NFASC: variants seen among roughly 807,000 people sequenced by gnomAD.
NFASC encodes the protein neurofascin, also known as neurofascin homolog.
In NFASC, 43 loss-of-function variants were observed where a neutral mutation model predicts 147.5. The observed-to-expected ratio is 0.29, with a 90% CI of 0.23 to 0.38. NFASC has a LOEUF of 0.38. Among genes scored for constraint, NFASC ranks in the 10% least tolerant of loss-of-function variants. The pLI, the probability that NFASC is intolerant of heterozygous loss-of-function variation, is 1.00. For missense variants in NFASC, 1,320 were observed against 1,689.0 expected (o/e 0.78, Z 3.83); for synonymous variants, 622 against 665.5 (o/e 0.93, Z 1.01).
intron 2 of NFASC, among the ~76,000 whole-genome samples, chr1:204,943,248 G>A (rs1242569192): frequency 1.3e-5 from 2 of 152,118 alleles, no homozygotes; most frequent in East Asian, 1.9e-4. Flanking sequence ...AGAACCTCAG[G>A]CAATCTTAAA....
In NFASC at chr1:205,016,640, G is replaced by A; in HGVS notation, c.*101G>A. The A allele has an allele frequency of 2.5e-6, 2 of 815,072 alleles. No individual in the cohort carries two copies. Among genetic ancestry groups the A allele is most frequent in the Non-Finnish European group, 4.2e-6 (2 of 478,450 alleles). The allele number at this position is 815,072 out of a possible 1,614,324, so 50.5% of individuals were successfully genotyped here. The stretch of plus-strand genomic sequence containing the variant: ...TACCACGAAGCCACCACCACCTTCA[G>A]TAACAAGGGTACGATATGGGGGTCT... On this transcript the variant is annotated 3_prime_UTR_variant, in exon 30 of 30. Coordinates refer to ENST00000339876, the MANE Select transcript of NFASC (RefSeq NM_001005388.3). This position sits in a 1 kb window ranked among gnomAD's most constrained non-coding sequence, Gnocchi z 5.1.
intron 1 of NFASC, among the ~76,000 whole-genome samples, chr1:204,884,963 G>A (rs1237116061): frequency 1.3e-5 from 2 of 152,114 alleles, no homozygotes; most frequent in Non-Finnish European, 2.9e-5. Flanking sequence ...GATATTGGGA[G>A]AGATCCATAA....
intron 1 of NFASC, among the ~76,000 whole-genome samples, chr1:204,894,022 C>T (rs978633955): frequency 2.6e-5 from 4 of 152,178 alleles, no homozygotes; most frequent in Admixed American, 6.5e-5. Flanking sequence ...TTATAAAGGA[C>T]CCAGGCTTTT....
Position 204,979,568 on chromosome 1 carries a change from C to G in NFASC, c.2176+9C>G, listed in dbSNP as rs2095473305. 6.2e-7 allele frequency: 1 copy of G among 1,613,072 alleles called. No individual in the cohort carries two copies. The highest frequency in any genetic ancestry group is 1.3e-5 in the African/African-American group (1 of 75,034). On this transcript the variant is annotated intron_variant, in intron 19 of 29. Coordinates refer to ENST00000339876, the MANE Select transcript of NFASC (RefSeq NM_001005388.3). This position sits in a 1 kb window ranked among gnomAD's most constrained non-coding sequence, Gnocchi z 6.0. The stretch of plus-strand genomic sequence containing the variant: ...CCGAACCAGTGGAGCACGTGAGTAC[C>G]CGAGGGCTGCCAGAGAAGGCTCCGG...
intron 1 of NFASC, among the ~76,000 whole-genome samples, chr1:204,858,109 G>A (rs2076330585): frequency 6.6e-6 from 1 of 151,786 alleles, no homozygotes; most frequent in Non-Finnish European, 1.5e-5. Context: ...TAGTAGAGAT[G>A]GGGTTTCACC....
intron 3 of NFASC, among the ~76,000 whole-genome samples, chr1:204,948,127 C>T (rs1267205997): frequency 5.9e-5 from 9 of 152,224 alleles, no homozygotes; most frequent in Admixed American, 2.0e-4. Flanking sequence ...AAGAGGCACA[C>T]GAGTAAAGAA....
intron 16 of NFASC, 69 bp from the exon 17 acceptor site, chr1:204,977,612 C>A: frequency 6.8e-7 from 1 of 1,480,342 alleles, no homozygotes; most frequent in South Asian, 1.2e-5. Context: ...GCTGCCTACC[C>A]CCATCCTTCT....
chr1:204,988,593 T>C, intron 22 of NFASC, 40 bp from the exon 23 acceptor site: 2 of 1,581,064 alleles, frequency 1.3e-6, no homozygotes, highest in Non-Finnish European at 1.7e-6. Flanking sequence ...CATCAATAAA[T>C]GTTGCTAAAG....
chr1:204,849,548 G>T (rs1054660754), intron 1 of NFASC, among the ~76,000 whole-genome samples: 2 of 152,170 alleles, frequency 1.3e-5, no homozygotes, highest in South Asian at 4.1e-4. Flanking sequence ...TGATGCTGCT[G>T]GTCCAGGGAC....
intron 1 of NFASC, among the ~76,000 whole-genome samples, chr1:204,883,872 C>A (rs200425404): frequency 2.0e-5 from 3 of 152,274 alleles, no homozygotes; most frequent in East Asian, 3.9e-4. Context: ...GCCTGAGTCC[C>A]AGAGAGTTAC....
At chr1:204,902,527 A>G (rs530264720) in intron 1 of NFASC, among the ~76,000 whole-genome samples, 5 of 152,098 alleles carry the variant, frequency 3.3e-5, no homozygotes, top group Admixed American at 2.0e-4. Flanking sequence ...TAACAGAGTC[A>G]TTGTCTTTTA....
intron 12 of NFASC, 109 bp downstream of exon 12, chr1:204,973,528 G>C (rs747417778): frequency 1.0e-5 from 14 of 1,362,646 alleles, no homozygotes; most frequent in African/African-American, 5.8e-5. Context: ...GATTGGCCAA[G>C]CTGGGTGAGG....
At chr1:204,945,780 T>G (rs1469059434) in intron 3 of NFASC, among the ~76,000 whole-genome samples, 1 of 152,204 alleles carries the variant, frequency 6.6e-6, no homozygotes, top group Non-Finnish European at 1.5e-5. Context: ...GAGTTTCTCA[T>G]TAACAGTCCC....
chr1:204,921,795 A>G (rs962018740), intron 2 of NFASC, among the ~76,000 whole-genome samples: 11 of 152,212 alleles, frequency 7.2e-5, no homozygotes, highest in African/African-American at 1.9e-4. Context: ...CATTTAATCA[A>G]TGAGGGTTAT....
Position 204,903,118 on chromosome 1 carries a change from A to G in NFASC, c.-199-17514A>G, listed in dbSNP as rs564346394. Among the ~76,000 whole-genome samples the G allele has an allele frequency of 5.3e-5, 8 of 152,332 alleles. No individual in the cohort carries two copies. In the East Asian group the frequency reaches 1.5e-3, roughly 29 times the overall value. On this transcript the variant is annotated intron_variant, in intron 1 of 29. Coordinates refer to ENST00000339876, the MANE Select transcript of NFASC (RefSeq NM_001005388.3). ...GGCTAATTTGACTAGATGATTGCCA[A>G]GTCCCCCCTACCCCCACAAGTTTTG...
At chr1:204,843,812 A>G (rs1232729436) in intron 1 of NFASC, among the ~76,000 whole-genome samples, 1 of 151,994 alleles carries the variant, frequency 6.6e-6, no homozygotes, top group African/African-American at 2.4e-5. Flanking sequence ...CCTGGGTTCA[A>G]GCGATTCTCC....
At chr1:204,878,134 A>G (rs2079413431) in intron 1 of NFASC, among the ~76,000 whole-genome samples, 1 of 151,490 alleles carries the variant, frequency 6.6e-6, no homozygotes, top group African/African-American at 2.5e-5. Flanking sequence ...TTCCTCAAGG[A>G]AAAAAGACTA....
chr1:204,970,849 G>A (rs1174749912), intron 11 of NFASC, 102 bp downstream of exon 11: 7 of 1,452,272 alleles, frequency 4.8e-6, no homozygotes, highest in East Asian at 4.6e-5. Context: ...AGAAGTTCAG[G>A]AAGAGAGAAG....
intron 27 of NFASC, among the ~76,000 whole-genome samples, chr1:205,005,016 G>A (rs1186002341): frequency 6.6e-6 from 1 of 152,208 alleles, no homozygotes; most frequent in African/African-American, 2.4e-5. Context: ...GAGGATGGTG[G>A]AAGCTTAGAG....
Sources: gnomAD v4.1 joint callset for allele counts (sites outside exome capture counted in the v4.1 genomes callset) on GRCh38, gnomAD v4.1.1 for gene constraint, Gnocchi (gnomAD v3.1) non-coding constraint, MANE v1.5 for transcripts, NCBI Gene and HGNC (gene_info 2026-07-23, HGNC 2026-07-21) for gene names.